The following CAPN13 variants were observed in gnomAD, a reference collection of about 807,000 sequenced individuals.
CAPN13 encodes the protein calpain 13.
In CAPN13, 90 loss-of-function variants were observed where a neutral mutation model predicts 98.4. The ratio of observed to expected loss-of-function variants is 0.92; its 90% CI spans 0.77 to 1.09. The LOEUF (loss-of-function observed/expected upper bound fraction) is 1.09, where lower values mean the gene tolerates loss of function less well. Ranked by LOEUF, CAPN13 falls within the 50% of genes least tolerant of loss-of-function variation. CAPN13 has a pLI of 0.00. For missense variants in CAPN13, 887 were observed against 841.3 expected (o/e 1.05, Z -0.67); for synonymous variants, 330 against 305.5 (o/e 1.08, Z -0.84).
chr2:30,778,115 G>A (rs954434908), intron 2 of CAPN13, among the ~76,000 whole-genome samples: 2 of 152,176 alleles, frequency 1.3e-5, no homozygotes, highest in African/African-American at 2.4e-5. Context: ...AAGTCTAGCC[G>A]TGTGCTGTAA....
chr2:30,764,279 G>C lies in CAPN13; in HGVS notation c.552C>G (p.His184Gln). 6.2e-7 allele frequency: 1 copy of C among 1,613,876 alleles called. No individual in the cohort carries two copies. Among genetic ancestry groups the C allele is most frequent in the Non-Finnish European group, 8.5e-7 (1 of 1,179,858 alleles). Residue 184 changes from histidine to glutamine, a missense_variant, in exon 6 of 23, where the codon CAC becomes CAG. Physicochemically the swap from His to Gln is conservative, Grantham distance 24. Transcript: ENST00000295055. ...CCAGGGCATCCTCGAGGAAGCCATAGTGCAGATCGGAATAGGATCCGAGCA... is the reference window on the plus strand; with the variant it reads ...CCAGGGCATCCTCGAGGAAGCCATACTGCAGATCGGAATAGGATCCGAGCA... ...AKLLGSYSDL[H>Q]YGFLEDALVD...
chr2:30,738,363 G>A, intron 16 of CAPN13, 37 bp downstream of exon 16: 1 of 1,612,146 alleles, frequency 6.2e-7, no homozygotes, highest in Non-Finnish European at 8.5e-7. Flanking sequence ...CCAGCAGGGA[G>A]GAGGATGGGG....
chr2:30,762,069 G>A (rs1183152445), intron 7 of CAPN13, among the ~76,000 whole-genome samples: 1 of 152,190 alleles, frequency 6.6e-6, no homozygotes, highest in Non-Finnish European at 1.5e-5. Flanking sequence ...AACACTTGCA[G>A]GAAACCATCC....
Position 30,787,258 on chromosome 2 carries a change from G to C in CAPN13, c.68C>G (p.Thr23Ser). The C allele has an allele frequency of 6.2e-7, 1 of 1,613,320 alleles. No individual in the cohort carries two copies. Among genetic ancestry groups the C allele is most frequent in the Non-Finnish European group, 8.5e-7 (1 of 1,179,720 alleles). ...IIKFKDQDFTTLRDHCLSMGR... is the reference protein window; with the variant it reads ...IIKFKDQDFTSLRDHCLSMGR... ...CATGCTCAGGCAGTGATCCCGCAAG[G>C]TGGTAAAGTCCTGGTCTTTGAACTT... Residue 23 changes from threonine to serine, a missense_variant, in exon 2 of 23, where the codon ACC becomes AGC. Thr to Ser is a moderately conservative substitution (Grantham distance 58, BLOSUM62 1). Transcript: ENST00000295055.
chr2:30,774,005 A>G (rs1321130603), intron 4 of CAPN13, among the ~76,000 whole-genome samples: 2 of 148,924 alleles, frequency 1.3e-5, no homozygotes, highest in African/African-American at 5.2e-5. Context: ...ATATTCTCCA[A>G]TTATAATAAA....
At chr2:30,741,271 C>A (rs1671639382) in intron 15 of CAPN13, 1 of 598,934 alleles carries the variant, frequency 1.7e-6, no homozygotes, top group Admixed American at 6.3e-5. Flanking sequence ...AATGCAGAGG[C>A]AGGGCCTGCC....
At position 30,801,263 on chromosome 2, in the gene CAPN13, AG is replaced by A. The variant is rs1375736424; in HGVS notation, c.-33+6038del. ...ATTTATATAATCCGTTTATTCTTAA[AG>A]GATTTCCCTGGGCCTATCTTCTTAG... On this transcript the variant is annotated intron_variant, in intron 1 of 22. Transcript: ENST00000295055. Among the ~76,000 whole-genome samples the A allele has an allele frequency of 2.6e-5, 4 of 152,282 alleles. No homozygotes were observed. In the East Asian group the frequency reaches 7.7e-4, roughly 29 times the overall value.
At chr2:30,734,375 C>A (rs1376763223) in intron 19 of CAPN13, 74 bp downstream of exon 19, 1 of 1,163,696 alleles carries the variant, frequency 8.6e-7, no homozygotes, top group Non-Finnish European at 1.3e-6. Flanking sequence ...TTGTGCCAGC[C>A]TTGCTACTAG....
chr2:30,750,580 G>A (rs569750352), intron 11 of CAPN13, among the ~76,000 whole-genome samples: 9 of 152,226 alleles, frequency 5.9e-5, no homozygotes, highest in Admixed American at 1.3e-4. Context: ...TGGTCTAAAC[G>A]TAAGAGAAAA....
At chr2:30,757,094 A>G (rs1672490344) in intron 8 of CAPN13, among the ~76,000 whole-genome samples, 1 of 152,226 alleles carries the variant, frequency 6.6e-6, no homozygotes, top group South Asian at 2.1e-4. Flanking sequence ...TTCCTGTTCC[A>G]AATGGATTGC....
intron 4 of CAPN13, among the ~76,000 whole-genome samples, chr2:30,771,894 A>T (rs1418372076): frequency 6.6e-6 from 1 of 152,200 alleles, no homozygotes; most frequent in African/African-American, 2.4e-5. Flanking sequence ...ACAAAAGGTG[A>T]GATTATGAAA....
chr2:30,731,296 G>A (rs781112418), intron 21 of CAPN13, 48 bp downstream of exon 21: 10 of 1,533,242 alleles, frequency 6.5e-6, no homozygotes, highest in Non-Finnish European at 8.8e-6. Flanking sequence ...CAAGTCAGGG[G>A]AGGCAGCCTG....
chr2:30,767,482 C>T (rs945504130), intron 5 of CAPN13, among the ~76,000 whole-genome samples: 5 of 152,206 alleles, frequency 3.3e-5, no homozygotes, highest in Admixed American at 6.5e-5. Context: ...AAGATTTCTA[C>T]TTCTCCCAGG....
At chr2:30,753,802 T>G (rs1379664443) in intron 9 of CAPN13, among the ~76,000 whole-genome samples, 2 of 152,162 alleles carry the variant, frequency 1.3e-5, no homozygotes, top group African/African-American at 4.8e-5. Flanking sequence ...TGCTCTAAGA[T>G]GTGAGCATAT....
chr2:30,762,126 C>T (rs150521081), intron 7 of CAPN13, among the ~76,000 whole-genome samples: 31 of 152,316 alleles, frequency 2.0e-4, no homozygotes, highest in African/African-American at 5.3e-4. Flanking sequence ...CAAATGTAGA[C>T]GGACACTAAA....
rs180718429 is a variant in CAPN13, at chr2:30,759,602, A to G, written c.775-1465T>C. ...AATAGACTATCGCTGTGTGGAAGAC[A>G]AGCCGCAGGTGGACGCAGGGCTCAG... On this transcript the variant is annotated intron_variant, in intron 7 of 22. Transcript: ENST00000295055. Among the ~76,000 whole-genome samples, 218 of 152,340 alleles carry G rather than the reference A, an allele frequency of 1.4e-3. No individual in the cohort carries two copies. In the Middle Eastern group the frequency reaches 0.024, roughly 17 times the overall value.
chr2:30,731,463 G>T, intron 20 of CAPN13, 64 bp from the exon 21 acceptor site: 2 of 1,403,924 alleles, frequency 1.4e-6, no homozygotes, highest in Middle Eastern at 1.8e-4. Flanking sequence ...GTTCAGGGGA[G>T]GCAGGCCTGG....
chr2:30,793,631 A>G (rs1355591318), intron 1 of CAPN13, among the ~76,000 whole-genome samples: 1 of 151,824 alleles, frequency 6.6e-6, no homozygotes, highest in Non-Finnish European at 1.5e-5. Context: ...AACCTAGAAT[A>G]ACCAAAGCAA....
rs563819946 is a variant in CAPN13 at position 30,764,907 on chromosome 2, C to T, written c.525-601G>A. ...ACTCTGCAAACCCTGATCCAGAATT[C>T]CCATTCCCAGAGTTACCCACTCGCC... is the stretch of plus-strand genomic sequence containing the variant. On this transcript the variant is annotated intron_variant, in intron 5 of 22. Transcript: ENST00000295055. Among the ~76,000 whole-genome samples, 3 of 152,278 alleles carry T rather than the reference C, an allele frequency of 2.0e-5. No individual in the cohort carries two copies. In the South Asian group the frequency reaches 6.2e-4, roughly 32 times the overall value.
Sources: gnomAD v4.1 joint callset for allele counts (sites outside exome capture counted in the v4.1 genomes callset) on GRCh38, gnomAD v4.1.1 for gene constraint, MANE v1.5 for transcripts, NCBI Gene and HGNC (gene_info 2026-07-23, HGNC 2026-07-21) for gene names.